Variants in RGSL1 observed in about 807,000 individuals in gnomAD.
RGSL1 encodes regulator of G protein signaling like 1, also known as regulator of G protein signaling protein-like.
In RGSL1, 97 loss-of-function variants were observed where a neutral mutation model predicts 124.7. The ratio of observed to expected loss-of-function variants is 0.78; its 90% CI spans 0.66 to 0.92. The LOEUF is 0.92. Among genes scored for constraint, RGSL1 ranks in the 40% least tolerant of loss-of-function variants. RGSL1 has a pLI of 0.00. For missense variants in RGSL1, 1,233 were observed against 1,288.4 expected (o/e 0.96, Z 0.66); for synonymous variants, 424 against 438.1 (o/e 0.97, Z 0.40).
chr1:182,530,221 C>T, intron 11 of RGSL1, 23 bp from the exon 12 acceptor site: 1 of 1,516,506 alleles, frequency 6.6e-7, no homozygotes, highest in African/African-American at 1.4e-5. Context: ...ATTACAGCTT[C>T]TTTTCTCTCT....
Position 182,472,518 on chromosome 1 carries a change from G to A in RGSL1, c.424G>A (p.Glu142Lys). ...LLMLRATHLQ[E>K]GSRVVTLCNM... ...CATGCTGAGGGCCACTCATCTGCAG[G>A]AGGGCTCCAGGGTGGTAACCCTCTG... Residue 142 changes from glutamate to lysine, a missense_variant, in exon 5 of 22, where the codon GAG (glutamate) becomes AAG (lysine). Transcript: ENST00000294854. 6.5e-7 allele frequency: 1 copy of A among 1,549,052 alleles called. No homozygotes were observed. The highest frequency in any genetic ancestry group is 8.7e-7 in the Non-Finnish European group (1 of 1,145,448).
At chr1:182,527,846 C>A (rs1226361983) in intron 11 of RGSL1, 74 bp downstream of exon 11, 10 of 1,288,842 alleles carry the variant, frequency 7.8e-6, no homozygotes, top group Non-Finnish European at 1.1e-5. Context: ...AAATAGCCTA[C>A]CTCATGTGAG....
chr1:182,473,868 A>G lies in RGSL1; in HGVS notation c.757A>G (p.Arg253Gly). Residue 253 changes from arginine to glycine, a missense_variant, in exon 6 of 22, where the codon AGG becomes GGG. Arg to Gly is a moderately radical substitution (Grantham distance 125, BLOSUM62 -2). Coordinates refer to ENST00000294854, the MANE Select transcript of RGSL1 (RefSeq NM_001137669.2). ...ACGGTACTCAAGCAGGAAAGCCAAGAGGAAGATGTGGCAATTGGTAGATCC... is the reference window on the plus strand; with the variant it reads ...ACGGTACTCAAGCAGGAAAGCCAAGGGGAAGATGTGGCAATTGGTAGATCC... ...QKRYSSRKAK[R>G]KMWQLVDPDS... The G allele has an allele frequency of 2.6e-6, 4 of 1,551,858 alleles. No homozygotes were observed. Among genetic ancestry groups the G allele is most frequent in the Non-Finnish European group, 3.5e-6 (4 of 1,147,018 alleles).
intron 6 of RGSL1, among the ~76,000 whole-genome samples, chr1:182,483,453 A>C (rs1393630704): frequency 6.6e-6 from 1 of 152,156 alleles, no homozygotes; most frequent in African/African-American, 2.4e-5. Context: ...TAATTTTAAA[A>C]ATACATACTT....
upstream of RGSL1, chr1:182,450,114 G>T: frequency 6.5e-7 from 1 of 1,547,874 alleles, no homozygotes. Context: ...TCTATTGACT[G>T]GGGGGTAATT....
intron 14 of RGSL1, among the ~76,000 whole-genome samples, chr1:182,537,774 C>A (rs61048445): frequency 0.016 from 2,472 of 152,120 alleles, 60 homozygotes; most frequent in African/African-American, 0.053. Flanking sequence ...GTGTGAGCAC[C>A]AAGGACCGTT....
At chr1:182,525,686 CAAT>C (rs1658689112) in intron 10 of RGSL1, among the ~76,000 whole-genome samples, 1 of 151,808 alleles carries the variant, frequency 6.6e-6, no homozygotes, top group South Asian at 2.1e-4. Flanking sequence ...ACATCAGAAA[CAAT>C]GATACCAAAG....
intron 4 of RGSL1, among the ~76,000 whole-genome samples, chr1:182,464,768 T>TA (rs1653142622): frequency 6.6e-6 from 1 of 150,708 alleles, no homozygotes; most frequent in Admixed American, 6.6e-5. Flanking sequence ...ACTTAATAAT[T>TA]ACTAAAAAAG....
At chr1:182,463,985 T>A (rs530413583) in intron 4 of RGSL1, among the ~76,000 whole-genome samples, 1 of 152,284 alleles carries the variant, frequency 6.6e-6, no homozygotes, top group African/African-American at 2.4e-5. Context: ...CAACAGATTT[T>A]AAAAGACAAC....
chr1:182,523,543 G>T (rs1352753887), intron 10 of RGSL1, among the ~76,000 whole-genome samples: 1 of 152,092 alleles, frequency 6.6e-6, no homozygotes, highest in African/African-American at 2.4e-5. Context: ...ACTTAAGCAT[G>T]AATACCACAG....
At chr1:182,551,032 T>C (rs1571717089) in intron 17 of RGSL1, 68 bp from the exon 18 acceptor site, 3 of 1,039,944 alleles carry the variant, frequency 2.9e-6, no homozygotes, top group Non-Finnish European at 4.4e-6. Context: ...CTGTTTCCCC[T>C]GTGCTCGGTG....
intron 18 of RGSL1, among the ~76,000 whole-genome samples, 188 bp from the exon 19 acceptor site, chr1:182,553,267 A>C: frequency 6.6e-6 from 1 of 152,304 alleles, no homozygotes; most frequent in East Asian, 1.9e-4. Flanking sequence ...AAATTTCAAC[A>C]TGAGTTTTGG....
intron 9 of RGSL1, among the ~76,000 whole-genome samples, chr1:182,494,779 G>T (rs770363400): frequency 2.2e-4 from 33 of 152,116 alleles, no homozygotes; most frequent in African/African-American, 8.0e-4. Context: ...TAGCATTCTG[G>T]TAGCTTCAAG....
intron 9 of RGSL1, among the ~76,000 whole-genome samples, chr1:182,505,109 C>T (rs1201978585): frequency 2.0e-5 from 3 of 152,170 alleles, no homozygotes; most frequent in Admixed American, 2.0e-4. Flanking sequence ...ACTGTTGTCC[C>T]TAGGCCCAAG....
rs145647873 is a variant in RGSL1 at position 182,475,547 on chromosome 1, A to G, written c.1431+1005A>G. 1.5e-4 allele frequency among the ~76,000 whole-genome samples: 23 copies of G among 152,326 alleles called. 1 individual carries two copies. In the South Asian group the frequency reaches 3.5e-3, roughly 23 times the overall value. On this transcript the variant is annotated intron_variant, in intron 6 of 21. Transcript: ENST00000294854. ...GAACTGAGGACAGGAAGCAATTACT[A>G]GAACCAGGAGAGAAAGAGCTGTATG...
At chr1:182,530,429 A>G (rs954827671) in intron 12 of RGSL1, 68 bp downstream of exon 12, 4 of 1,208,240 alleles carry the variant, frequency 3.3e-6, no homozygotes, top group Non-Finnish European at 4.7e-6. Context: ...AGCCATATGC[A>G]TCAAGGGTTT....
chr1:182,487,480 A>T (rs983018365), intron 6 of RGSL1, among the ~76,000 whole-genome samples: 3 of 152,182 alleles, frequency 2.0e-5, no homozygotes, highest in Non-Finnish European at 2.9e-5. Context: ...CCTTTGCTTA[A>T]GCTCTTTCTA....
chr1:182,547,734 G>A (rs993977760), intron 15 of RGSL1, among the ~76,000 whole-genome samples: 2 of 152,090 alleles, frequency 1.3e-5, no homozygotes, highest in South Asian at 4.1e-4. Context: ...GGTGGCAGAC[G>A]CCTGTAGTCC....
chr1:182,509,614 G>T (rs1209236862), intron 9 of RGSL1, among the ~76,000 whole-genome samples: 2 of 132,422 alleles, frequency 1.5e-5, no homozygotes, highest in African/African-American at 6.0e-5. Context: ...AGTAGGGGCG[G>T]CTGGGCAGAG....
Sources: allele counts gnomAD v4.1 joint callset (sites outside exome capture counted in the v4.1 genomes callset), GRCh38; gene constraint gnomAD v4.1.1; transcripts MANE v1.5; gene names NCBI Gene and HGNC (gene_info 2026-07-23, HGNC 2026-07-21).